Variants in TLR1 observed in about 807,000 individuals in gnomAD.
TLR1 encodes the protein toll like receptor 1, also known as toll-like receptor 1.
A neutral mutation model predicts 20.2 loss-of-function variants in TLR1; 19 were observed. That is an observed-to-expected ratio of 0.94 (90% CI 0.66 to 1.38). The LOEUF is 1.38. Ranked by LOEUF, TLR1 falls within the 40% of genes most tolerant of loss-of-function variation. The pLI, the probability that TLR1 is intolerant of heterozygous loss-of-function variation, is 0.00. For synonymous variants in TLR1, 320 were observed against 334.5 expected (o/e 0.96, Z 0.47); for missense variants, 921 against 910.0 (o/e 1.01, Z -0.16).
intron 2 of TLR1, among the ~76,000 whole-genome samples, chr4:38,801,918 C>T (rs1280717208): frequency 1.3e-5 from 2 of 152,162 alleles, no homozygotes; most frequent in East Asian, 1.9e-4. Flanking sequence ...CTCTCTAAGC[C>T]GGGGGCCATG....
downstream of TLR1, chr4:38,794,756 T>C (rs142855650): frequency 6.6e-6 from 1 of 152,332 alleles, no homozygotes; most frequent in African/African-American, 2.4e-5. Context: ...TGGATATGTT[T>C]AGTGTTCTCT....
In TLR1 at chr4:38,801,441, C is replaced by T. The variant is rs199699904; in HGVS notation, c.-159-493G>A. Among the ~76,000 whole-genome samples, 15 of 152,312 alleles carry T rather than the reference C, an allele frequency of 9.8e-5. No individual in the cohort carries two copies. The East Asian group carries it at 2.7e-3, about 27-fold the overall frequency. ...AGTCACCCATTCTGGTACTTTGTTACAGCAATTTAAACAGACTAAAATAAT... is the reference window on the plus strand; with the variant it reads ...AGTCACCCATTCTGGTACTTTGTTATAGCAATTTAAACAGACTAAAATAAT... On this transcript the variant is annotated intron_variant, in intron 2 of 3. Transcript: ENST00000308979.
chr4:38,797,379 C>A lies in TLR1; in HGVS notation c.1453G>T (p.Gly485Ter). 4 of 1,614,098 alleles carry A rather than the reference C, an allele frequency of 2.5e-6. No individual in the cohort carries two copies. The highest frequency in any genetic ancestry group is 3.4e-6 in the Non-Finnish European group (4 of 1,179,966). The stretch of plus-strand genomic sequence containing the variant: ...GAAAGGCTGCTAAAGCTGCCACATC[C>A]AGGAAGGTCAGTTAAAGAATTGAAA... Reference protein sequence around the residue: ...VAFNSLTDLPGCGSFSSLSVL... With the variant: ...VAFNSLTDLP The change falls in exon 4 of 4, where the codon GGA (glycine) becomes TGA (stop). Residue 485 changes from glycine (G) to a stop codon, truncating the protein, a stop_gained. Coordinates refer to ENST00000308979, the MANE Select transcript of TLR1 (RefSeq NM_003263.4). LOFTEE classifies it high-confidence loss of function.
downstream of TLR1, among the ~76,000 whole-genome samples, chr4:38,789,905 T>C (rs766201018): frequency 3.9e-5 from 6 of 152,230 alleles, no homozygotes; most frequent in Non-Finnish European, 7.3e-5. Context: ...TTATACACTA[T>C]GATTACAGTC....
At chr4:38,805,428 A>T (rs1726952181), upstream of TLR1, 1 of 152,206 alleles carries the variant, frequency 6.6e-6, no homozygotes, top group Non-Finnish European at 1.5e-5. Flanking sequence ...AAGAAAAGAG[A>T]TTCTTAGCGT....
At position 38,797,744 on chromosome 4, in the gene TLR1, G is replaced by C. The variant is rs184548723; in HGVS notation, c.1088C>G (p.Thr363Arg). 1.9e-6 allele frequency: 3 copies of C among 1,613,952 alleles called. No individual in the cohort carries two copies. Among genetic ancestry groups the C allele is most frequent in the South Asian group, 2.2e-5 (2 of 91,062 alleles). The change falls in exon 4 of 4, where the codon ACG becomes AGG. Residue 363 changes from threonine (T) to arginine (R), a missense_variant. By Grantham distance (71) the Thr-to-Arg change is moderately conservative. Transcript: ENST00000308979. Reference protein sequence around the residue: ...LDFSNNLLTDTVFENCGHLTE... With the variant: ...LDFSNNLLTDRVFENCGHLTE... Reference sequence around the variant, plus strand: ...AAGGTGCCCACAATTTTCAAAAACCGTGTCTGTTAAGAGATTATTGGAAAA... The same window carrying C: ...AAGGTGCCCACAATTTTCAAAAACCCTGTCTGTTAAGAGATTATTGGAAAA...
At chr4:38,793,108 T>A (rs1725823356), downstream of TLR1, among the ~76,000 whole-genome samples, 1 of 151,750 alleles carries the variant, frequency 6.6e-6, no homozygotes, top group African/African-American at 2.4e-5. Context: ...AGAAGAGCAT[T>A]TTGGAGAGAG....
At position 38,798,888 on chromosome 4, in the gene TLR1, A is replaced by G; in HGVS notation, c.-57T>C. The G allele has an allele frequency of 7.9e-7, 1 of 1,269,804 alleles. No homozygotes were observed. Among genetic ancestry groups the G allele is most frequent in the South Asian group, 1.6e-5 (1 of 61,696 alleles). 78.7% of individuals were successfully genotyped at this position (1,269,804 alleles called of 1,614,324 possible). ...GCTGTTCTTCAGATCATCTTGATAC[A>G]GATACAGATTCTAGAAAAAAAATAA... On this transcript the variant is annotated 5_prime_UTR_variant, in exon 4 of 4. Coordinates refer to ENST00000308979, the MANE Select transcript of TLR1 (RefSeq NM_003263.4).
In TLR1 at chr4:38,797,909, A is replaced by C. The variant is rs1031669250; in HGVS notation, c.923T>G (p.Val308Gly). 8 of 1,613,972 alleles carry C rather than the reference A, an allele frequency of 5.0e-6. No individual in the cohort carries two copies. Among genetic ancestry groups the C allele is most frequent in the Non-Finnish European group, 6.8e-6 (8 of 1,179,944 alleles). ...SLKALSIHQV[V>G]SDVFGFPQSY... Reference sequence around the variant, plus strand: ...TTGCGGAAAACCGAACACATCGCTGACAACTTGGTGTATAGACAAGGCCTT... The same window carrying C: ...TTGCGGAAAACCGAACACATCGCTGCCAACTTGGTGTATAGACAAGGCCTT... The change falls in exon 4 of 4, where the codon GTC becomes GGC. Residue 308 changes from valine to glycine, a missense_variant. Physicochemically the swap from Val to Gly is moderately radical, Grantham distance 109. Transcript: ENST00000308979.
chr4:38,792,439 A>G (rs1382530997), downstream of TLR1, among the ~76,000 whole-genome samples: 1 of 152,170 alleles, frequency 6.6e-6, no homozygotes, highest in Non-Finnish European at 1.5e-5. Context: ...TAGTGTACAT[A>G]TACTTTTGTA....
At chr4:38,804,596 CA>C (rs1257060766) in intron 1 of TLR1, among the ~76,000 whole-genome samples, 157 bp downstream of exon 1, 1 of 152,192 alleles carries the variant, frequency 6.6e-6, no homozygotes, top group Non-Finnish European at 1.5e-5. Context: ...AACTGATACA[CA>C]AATGCCAGTA....
chr4:38,795,185 C>T (rs181334381), downstream of TLR1, among the ~76,000 whole-genome samples: 2 of 151,576 alleles, frequency 1.3e-5, no homozygotes, highest in African/African-American at 4.9e-5. Flanking sequence ...GTAGTGTTAT[C>T]CCTTGTGCTT....
chr4:38,795,209 T>G (rs1434921747), downstream of TLR1, among the ~76,000 whole-genome samples: 2 of 152,228 alleles, frequency 1.3e-5, no homozygotes, highest in East Asian at 3.8e-4. Context: ...GGTTTGTGCA[T>G]GTATCAGAAT....
upstream of TLR1, chr4:38,805,304 T>C (rs569681373): frequency 6.6e-6 from 1 of 152,350 alleles, no homozygotes; most frequent in Non-Finnish European, 1.5e-5. Flanking sequence ...TAATCACGTC[T>C]TTTTTGACAA....
At chr4:38,802,216 CA>C (rs1185286137) in intron 2 of TLR1, among the ~76,000 whole-genome samples, 1 of 151,712 alleles carries the variant, frequency 6.6e-6, no homozygotes, top group Non-Finnish European at 1.5e-5. Flanking sequence ...CAAACAAAAA[CA>C]AAAAAACAGT....
downstream of TLR1, among the ~76,000 whole-genome samples, chr4:38,789,644 G>A (rs891020844): frequency 3.9e-5 from 6 of 152,048 alleles, no homozygotes; most frequent in Non-Finnish European, 7.4e-5. Context: ...TGTATTTTTA[G>A]TAGAGCCGGG....
downstream of TLR1, among the ~76,000 whole-genome samples, chr4:38,795,572 T>C (rs186476336): frequency 3.5e-4 from 54 of 152,340 alleles, no homozygotes; most frequent in Non-Finnish European, 5.3e-4. Flanking sequence ...CAGCGAGATC[T>C]CCAGTCATGG....
intron 3 of TLR1, 31 bp from the exon 4 acceptor site, chr4:38,798,929 C>T: frequency 1.0e-6 from 1 of 1,000,920 alleles, no homozygotes; most frequent in Non-Finnish European, 1.4e-6. Context: ...TGATGAAATA[C>T]ATTACATACA....
At chr4:38,787,574 T>C (rs1725634002), downstream of TLR1, among the ~76,000 whole-genome samples, 2 of 151,940 alleles carry the variant, frequency 1.3e-5, no homozygotes, top group South Asian at 4.1e-4. Flanking sequence ...CAAAAAGAGG[T>C]GAAATTAATT....
Sources: allele counts gnomAD v4.1 joint callset (sites outside exome capture counted in the v4.1 genomes callset), GRCh38; gene constraint gnomAD v4.1.1; transcripts MANE v1.5; gene names NCBI Gene and HGNC (gene_info 2026-07-23, HGNC 2026-07-21).